MYO9A: variants seen among roughly 807,000 people sequenced by gnomAD.
MYO9A encodes the protein myosin IXA, also known as unconventional myosin-IXa.
MYO9A carries 103 observed loss-of-function variants against 293.3 expected under a neutral mutation model. The ratio of observed to expected loss-of-function variants is 0.35; its 90% confidence interval spans 0.30 to 0.41. The LOEUF (loss-of-function observed/expected upper bound fraction) is 0.41, where lower values mean the gene tolerates loss of function less well. Among genes scored for constraint, MYO9A ranks in the 10% least tolerant of loss-of-function variants. MYO9A has a pLI of 1.00. For missense variants in MYO9A, 2,685 were observed against 3,033.0 expected (o/e 0.89, Z 2.69); for synonymous variants, 1,001 against 1,035.7 (o/e 0.97, Z 0.64).
At chr15:71,841,779 G>A (rs1049422346) in intron 39 of MYO9A, among the ~76,000 whole-genome samples, 1 of 150,720 alleles carries the variant, frequency 6.6e-6, no homozygotes, top group Non-Finnish European at 1.5e-5. Flanking sequence ...GGGACTATAG[G>A]TGCTCGCCAC....
intron 1 of MYO9A, among the ~76,000 whole-genome samples, chr15:72,093,569 GT>G (rs2079984420): frequency 6.6e-6 from 1 of 151,422 alleles, no homozygotes; most frequent in South Asian, 2.1e-4. Flanking sequence ...TTCTAAAATT[GT>G]AAAACACAAG....
intron 32 of MYO9A, among the ~76,000 whole-genome samples, chr15:71,868,756 C>T (rs2142005483): frequency 6.6e-6 from 1 of 152,100 alleles, no homozygotes; most frequent in Middle Eastern, 3.4e-3. Context: ...GAAAGAAACA[C>T]TAGAAAGTTA....
At chr15:71,966,904 AAAT>A (rs1270493767) in intron 13 of MYO9A, among the ~76,000 whole-genome samples, 3 of 152,194 alleles carry the variant, frequency 2.0e-5, no homozygotes, top group Non-Finnish European at 4.4e-5. Flanking sequence ...TACAAGCCCT[AAAT>A]AATAACCCCC....
intron 1 of MYO9A, among the ~76,000 whole-genome samples, chr15:72,067,318 T>C (rs112074797): frequency 3.3e-5 from 5 of 152,072 alleles, no homozygotes; most frequent in African/African-American, 1.2e-4. Context: ...TATTTCATTT[T>C]ATTTTATTTT....
At chr15:72,103,441 CAGAAGCAGCAGCAGAAGA>C (rs1466008090) in intron 1 of MYO9A, among the ~76,000 whole-genome samples, 10 of 139,640 alleles carry the variant, frequency 7.2e-5, no homozygotes, top group Non-Finnish European at 1.2e-4. Flanking sequence ...GCAGCAGAAG[CAGAAGCAGCAGCAGAAGA>C]AGAAGCAGCA....
At chr15:72,028,236 T>TATATAA (rs1217244974) in intron 3 of MYO9A, among the ~76,000 whole-genome samples, 1 of 145,436 alleles carries the variant, frequency 6.9e-6, no homozygotes, top group Non-Finnish European at 1.5e-5. Context: ...TATATATATA[T>TATATAA]ATAAATATAT....
chr15:72,013,849 G>A lies in MYO9A; in HGVS notation c.1156-3402C>T, dbSNP rs559798259. Among the ~76,000 whole-genome samples the A allele has an allele frequency of 3.9e-5, 6 of 152,066 alleles. No individual in the cohort carries two copies. The East Asian group carries it at 7.7e-4, about 20-fold the overall frequency. ...TGAGATGGAGTCTCACTCTGTTGCCGAGGTTGGAGTGCAGTGGCACAATCC... is the reference window on the plus strand; with the variant it reads ...TGAGATGGAGTCTCACTCTGTTGCCAAGGTTGGAGTGCAGTGGCACAATCC... On this transcript the variant is annotated intron_variant, in intron 6 of 41. Transcript: ENST00000356056.
intron 32 of MYO9A, among the ~76,000 whole-genome samples, chr15:71,868,463 T>C (rs2056408025): frequency 6.6e-6 from 1 of 152,208 alleles, no homozygotes; most frequent in South Asian, 2.1e-4. Flanking sequence ...TGGGCTCATC[T>C]GCATAATCCA....
At chr15:71,890,490 C>T (rs917979013) in intron 26 of MYO9A, 2 of 152,104 alleles carry the variant, frequency 1.3e-5, no homozygotes, top group Non-Finnish European at 2.9e-5. Flanking sequence ...ATTCAGAAGA[C>T]AGAAACTAAA....
chr15:71,827,678 A>C (rs2054563178), intron 41 of MYO9A, among the ~76,000 whole-genome samples: 1 of 152,134 alleles, frequency 6.6e-6, no homozygotes, highest in Admixed American at 6.5e-5. Flanking sequence ...TTATCCCCTT[A>C]TATTTCTTAT....
chr15:71,898,620 G>A lies in MYO9A; in HGVS notation c.3883C>T (p.Leu1295Phe), dbSNP rs2057399121. 2 of 1,614,086 alleles carry A rather than the reference G, an allele frequency of 1.2e-6. No individual in the cohort carries two copies. The change falls in exon 25 of 42, where the codon CTT (leucine) becomes TTT (phenylalanine). Residue 1295 changes from leucine (L) to phenylalanine (F), a missense_variant. Physicochemically the swap from Leu to Phe is conservative, Grantham distance 22. This residue lies in a region of MYO9A where 1,434 missense variants were observed against 1,497.7 expected (regional missense o/e 0.96). Transcript: ENST00000356056. ...FSLELLKVRS[L>F]GGISPSEDRR... Reference sequence around the variant, plus strand: ...TCCTCTGAAGGAGAAATACCACCAAGAGAACGAACTTTCAGCAATTCTAAG... The same window carrying A: ...TCCTCTGAAGGAGAAATACCACCAAAAGAACGAACTTTCAGCAATTCTAAG...
In MYO9A at chr15:72,042,562, G is replaced by A. The variant is rs1266261321; in HGVS notation, c.840+3162C>T. 2.6e-5 allele frequency among the ~76,000 whole-genome samples: 4 copies of A among 151,950 alleles called. No homozygotes were observed. The East Asian group carries it at 5.8e-4, about 22-fold the overall frequency. On this transcript the variant is annotated intron_variant, in intron 2 of 41. Transcript: ENST00000356056. ...CCAACAGCTATCATTATAACTTAAT[G>A]GCTAAAGACTAAATGTTTTCCCCTA...
intron 2 of MYO9A, among the ~76,000 whole-genome samples, chr15:72,033,795 A>G (rs2077952477): frequency 6.6e-6 from 1 of 152,234 alleles, no homozygotes; most frequent in Admixed American, 6.5e-5. Context: ...ATAGCTCAAT[A>G]TAGCTCAATG....
At chr15:72,078,651 A>G (rs2079444313) in intron 1 of MYO9A, among the ~76,000 whole-genome samples, 1 of 152,220 alleles carries the variant, frequency 6.6e-6, no homozygotes, top group Admixed American at 6.5e-5. Context: ...CTGTTGCTAA[A>G]AATAAAAAAA....
intron 1 of MYO9A, among the ~76,000 whole-genome samples, chr15:72,102,969 G>A (rs2080409521): frequency 6.7e-6 from 1 of 148,978 alleles, no homozygotes; most frequent in South Asian, 2.1e-4. Flanking sequence ...AATTATATAT[G>A]GTTTTTTTTG....
intron 11 of MYO9A, among the ~76,000 whole-genome samples, chr15:71,980,041 A>C (rs774018061): frequency 2.0e-5 from 3 of 151,722 alleles, no homozygotes; most frequent in South Asian, 2.1e-4. Context: ...AAGAGACAGG[A>C]TCTCTCTTTG....
At chr15:71,886,741 G>T (rs1274010440) in intron 27 of MYO9A, among the ~76,000 whole-genome samples, 4 of 151,948 alleles carry the variant, frequency 2.6e-5, no homozygotes, top group Non-Finnish European at 5.9e-5. Context: ...TTTTTTGAGG[G>T]GGAGAAAAGT....
chr15:72,009,527 C>A (rs759385280), intron 7 of MYO9A, among the ~76,000 whole-genome samples: 1 of 151,518 alleles, frequency 6.6e-6, no homozygotes, highest in Non-Finnish European at 1.5e-5. Flanking sequence ...GAATTCAAGA[C>A]CAGCATAGGC....
intron 1 of MYO9A, among the ~76,000 whole-genome samples, chr15:72,071,183 AG>A (rs1385734631): frequency 6.6e-6 from 1 of 152,234 alleles, no homozygotes; most frequent in Non-Finnish European, 1.5e-5. Context: ...GGAATCTATA[AG>A]GAACTTAAAT....
Sources: allele counts gnomAD v4.1 joint callset (sites outside exome capture counted in the v4.1 genomes callset), GRCh38; gene constraint gnomAD v4.1.1; regional missense constraint gnomAD v4.1.1; transcripts MANE v1.5; gene names NCBI Gene and HGNC (gene_info 2026-07-23, HGNC 2026-07-21).